The following ADAMTS18 variants were observed in gnomAD, a reference collection of about 807,000 sequenced individuals.
The protein encoded by ADAMTS18 is ADAM metallopeptidase with thrombospondin type 1 motif 18.
Under a neutral mutation model 165.9 loss-of-function variants are expected in ADAMTS18, and 157 were observed. The ratio of observed to expected loss-of-function variants is 0.95; its 90% CI spans 0.83 to 1.08. ADAMTS18 has a LOEUF of 1.08. Ranked by LOEUF, ADAMTS18 falls within the 50% of genes least tolerant of loss-of-function variation. The probability of loss-of-function intolerance (pLI) is 0.00; values close to 1 mark genes in which losing one functional copy is unlikely to be tolerated. For synonymous variants in ADAMTS18, 782 were observed against 578.2 expected (o/e 1.35, Z -5.06); for missense variants, 2,040 against 1,534.0 (o/e 1.33, Z -5.51).
At chr16:77,404,670 C>T (rs1404991500) in intron 3 of ADAMTS18, among the ~76,000 whole-genome samples, 1 of 152,142 alleles carries the variant, frequency 6.6e-6, no homozygotes, top group Non-Finnish European at 1.5e-5. Flanking sequence ...TAAACCCAAA[C>T]CACGTCATTC....
chr16:77,296,962 T>C (rs2055485156), intron 18 of ADAMTS18, among the ~76,000 whole-genome samples: 1 of 152,186 alleles, frequency 6.6e-6, no homozygotes, highest in Non-Finnish European at 1.5e-5. Context: ...AAATGTAAAC[T>C]TCAACCATCT....
intron 10 of ADAMTS18, among the ~76,000 whole-genome samples, chr16:77,342,632 T>C (rs1253041908): frequency 6.6e-6 from 1 of 152,166 alleles, no homozygotes; most frequent in East Asian, 1.9e-4. Flanking sequence ...ATGTAGACAA[T>C]TTAACTCTCA....
At chr16:77,430,016 C>G (rs2057719238) in intron 3 of ADAMTS18, among the ~76,000 whole-genome samples, 1 of 152,184 alleles carries the variant, frequency 6.6e-6, no homozygotes, top group Admixed American at 6.5e-5. Flanking sequence ...CTTTCAACTA[C>G]TGGTATGTGG....
intron 10 of ADAMTS18, among the ~76,000 whole-genome samples, chr16:77,349,954 C>G (rs977752921): frequency 6.6e-6 from 1 of 152,202 alleles, no homozygotes; most frequent in African/African-American, 2.4e-5. Flanking sequence ...AGTAACTGTG[C>G]TGGCTACTGA....
chr16:77,425,612 G>T (rs2057661344), intron 3 of ADAMTS18, among the ~76,000 whole-genome samples: 1 of 152,208 alleles, frequency 6.6e-6, no homozygotes, highest in African/African-American at 2.4e-5. Flanking sequence ...AATTTCTTAA[G>T]CAAGGGGTGC....
chr16:77,296,431 G>A (rs1162462812), intron 18 of ADAMTS18, among the ~76,000 whole-genome samples: 1 of 151,944 alleles, frequency 6.6e-6, no homozygotes, highest in African/African-American at 2.4e-5. Context: ...TTAAATTCTT[G>A]GACCATTTAC....
rs1440655062 is a variant in ADAMTS18 at position 77,291,292 on chromosome 16, C to CAGCT, written c.3372_3375dup (p.Gly1126SerfsTer49). On this transcript the variant is annotated frameshift_variant, in exon 21 of 23. Transcript: ENST00000282849. LOFTEE classifies it high-confidence loss of function. ...TGCTGCCACGGCAATGAATACCATC[C>CAGCT]AGCTACCATGTTGTACACTGGATGG... is the stretch of plus-strand genomic sequence containing the variant. 11 of 1,614,034 alleles carry CAGCT rather than the reference C, an allele frequency of 6.8e-6. No individual in the cohort carries two copies. Among genetic ancestry groups the CAGCT allele is most frequent in the Non-Finnish European group, 9.3e-6 (11 of 1,180,034 alleles).
chr16:77,345,739 T>G (rs1038173039), intron 10 of ADAMTS18, among the ~76,000 whole-genome samples: 1 of 152,236 alleles, frequency 6.6e-6, no homozygotes, highest in East Asian at 1.9e-4. Flanking sequence ...AGTAAGTACC[T>G]ACCATATTGG....
intron 3 of ADAMTS18, among the ~76,000 whole-genome samples, chr16:77,406,023 T>C (rs759527842): frequency 3.3e-5 from 5 of 152,198 alleles, no homozygotes; most frequent in Non-Finnish European, 7.3e-5. Context: ...CAATTCACTT[T>C]ATGAAGGTAG....
At chr16:77,358,097 C>T (rs895373544) in intron 8 of ADAMTS18, among the ~76,000 whole-genome samples, 1 of 152,088 alleles carries the variant, frequency 6.6e-6, no homozygotes. Flanking sequence ...AAGCATTGTT[C>T]TTAGTGAGCA....
At chr16:77,327,610 G>A (rs1448169489) in intron 12 of ADAMTS18, among the ~76,000 whole-genome samples, 2 of 152,172 alleles carry the variant, frequency 1.3e-5, no homozygotes, top group African/African-American at 4.8e-5. Flanking sequence ...GGATAAAACT[G>A]GAGACCGTTA....
chr16:77,406,383 A>T (rs372100348), intron 3 of ADAMTS18, among the ~76,000 whole-genome samples: 1 of 152,206 alleles, frequency 6.6e-6, no homozygotes, highest in Non-Finnish European at 1.5e-5. Context: ...AACATCATGT[A>T]TAATAGTGAA....
chr16:77,370,383 T>G (rs1266229689), intron 3 of ADAMTS18, among the ~76,000 whole-genome samples: 1 of 151,832 alleles, frequency 6.6e-6, no homozygotes, highest in African/African-American at 2.4e-5. Context: ...CACAGTAGAG[T>G]TGTAGGACGC....
At chr16:77,310,765 C>T (rs903255580) in intron 16 of ADAMTS18, among the ~76,000 whole-genome samples, 1 of 152,000 alleles carries the variant, frequency 6.6e-6, no homozygotes, top group African/African-American at 2.4e-5. Context: ...ATAGCTGGGA[C>T]TAGCAGCATG....
chr16:77,336,619 G>A (rs1311727499), intron 11 of ADAMTS18, among the ~76,000 whole-genome samples: 1 of 152,058 alleles, frequency 6.6e-6, no homozygotes, highest in Admixed American at 6.6e-5. Context: ...TTAGCCCAGG[G>A]TCTTTCATTT....
Position 77,297,369 on chromosome 16 carries a change from T to A in ADAMTS18, c.2721A>T (p.Gln907His). The change falls in exon 18 of 23, where the codon CAA becomes CAT. Residue 907 changes from glutamine (Q) to histidine (H), a missense_variant. By Grantham distance (24) the Gln-to-His change is conservative. Coordinates refer to ENST00000282849, the MANE Select transcript of ADAMTS18 (RefSeq NM_199355.4). ...TTGCACTGCAGAATGAGGAATTGAC[T>A]TGAGTATTTTGATCTCGCAAGCAAA... Reference protein sequence around the residue: ...KAICLRDQNTQVNSSFCSAKT... With the variant: ...KAICLRDQNTHVNSSFCSAKT... 6.2e-7 allele frequency: 1 copy of A among 1,613,764 alleles called. No individual in the cohort carries two copies. The highest frequency in any genetic ancestry group is 8.5e-7 in the Non-Finnish European group (1 of 1,179,634).
chr16:77,327,820 G>T (rs528728013), intron 12 of ADAMTS18, among the ~76,000 whole-genome samples: 26 of 152,134 alleles, frequency 1.7e-4, no homozygotes, highest in African/African-American at 6.3e-4. Context: ...AATACTCTCA[G>T]TATCTTCCCA....
chr16:77,301,537 T>C (rs2055582812), intron 16 of ADAMTS18, among the ~76,000 whole-genome samples: 1 of 152,230 alleles, frequency 6.6e-6, no homozygotes, highest in African/African-American at 2.4e-5. Context: ...GAAAATTCTT[T>C]ACCACTAGAA....
At chr16:77,334,987 T>TA (rs2056284317) in intron 12 of ADAMTS18, among the ~76,000 whole-genome samples, 1 of 143,706 alleles carries the variant, frequency 7.0e-6, no homozygotes, top group Non-Finnish European at 1.5e-5. Context: ...TATATAGTAG[T>TA]ATATATACTG....
Sources: allele counts gnomAD v4.1 joint callset (sites outside exome capture counted in the v4.1 genomes callset), GRCh38; gene constraint gnomAD v4.1.1; transcripts MANE v1.5; gene names NCBI Gene and HGNC (gene_info 2026-07-23, HGNC 2026-07-21).